The following SPEF2 variants were observed in gnomAD, a reference collection of about 807,000 sequenced individuals.
SPEF2 encodes sperm flagellar and cilia associated 2.
SPEF2 carries 187 observed loss-of-function variants against 224.6 expected under a neutral mutation model. That is an observed-to-expected ratio of 0.83 (90% CI 0.74 to 0.94). The LOEUF (loss-of-function observed/expected upper bound fraction) is 0.94. Ranked by LOEUF, SPEF2 falls within the 40% of genes least tolerant of loss-of-function variation. SPEF2 has a pLI of 0.00. For missense variants in SPEF2, 2,170 were observed against 2,135.6 expected (o/e 1.02, Z -0.32); for synonymous variants, 715 against 707.3 (o/e 1.01, Z -0.17).
intron 27 of SPEF2, among the ~76,000 whole-genome samples, chr5:35,772,507 A>G (rs1326014733): frequency 1.3e-5 from 2 of 152,184 alleles, no homozygotes; most frequent in African/African-American, 4.8e-5. Flanking sequence ...TAGGGGAGGT[A>G]CAAGTACCTT....
chr5:35,759,465 A>G, intron 24 of SPEF2, 103 bp from the exon 25 acceptor site: 1 of 1,036,788 alleles, frequency 9.6e-7, no homozygotes, highest in Non-Finnish European at 1.3e-6. Context: ...ATTATTTTCA[A>G]TCTAAATGTT....
chr5:35,688,634 T>C (rs1299068445), intron 10 of SPEF2, among the ~76,000 whole-genome samples: 2 of 152,198 alleles, frequency 1.3e-5, no homozygotes, highest in Non-Finnish European at 2.9e-5. Context: ...CAACATCATA[T>C]ACTGGATATG....
Position 35,700,518 on chromosome 5 carries a change from T to A in SPEF2, c.2164T>A (p.Cys722Ser), listed in dbSNP as rs1284222250. ...AINEIPVNQD[C>S]ILDGFPMTLN... is the part of the protein sequence containing the mutation. ...TAGTGAGATACCTGTGAATCAAGACTGTATCCTAGATGGTTTTCCAATGAC... is the reference window on the plus strand; with the variant it reads ...TAGTGAGATACCTGTGAATCAAGACAGTATCCTAGATGGTTTTCCAATGAC... The change falls in exon 16 of 37, where the codon TGT becomes AGT. Residue 722 changes from cysteine (C) to serine (S), a missense_variant. Transcript: ENST00000356031. The A allele has an allele frequency of 6.2e-7, 1 of 1,613,162 alleles. No homozygotes were observed. The highest frequency in any genetic ancestry group is 1.7e-5 in the Admixed American group (1 of 59,938).
rs919925854 is a variant in SPEF2 at position 35,727,771 on chromosome 5, C to T, written c.3011C>T (p.Pro1004Leu). The change falls in exon 21 of 37, where the codon CCA becomes CTA. Residue 1004 changes from proline (P) to leucine (L), a missense_variant. Pro to Leu is a moderately conservative substitution (Grantham distance 98, BLOSUM62 -3). Coordinates refer to ENST00000356031, the MANE Select transcript of SPEF2 (RefSeq NM_024867.4). ...TCACCTGTTGCAATAGTGCCACAGC[C>T]ACCTAAGCCAGGATCAGAAGAATGG... is the stretch of plus-strand genomic sequence containing the variant. Reference protein sequence around the residue: ...DTSPVAIVPQPPKPGSEEWVY... With the variant: ...DTSPVAIVPQLPKPGSEEWVY... 3 of 1,613,964 alleles carry T rather than the reference C, an allele frequency of 1.9e-6. No homozygotes were observed. The highest frequency in any genetic ancestry group is 2.5e-6 in the Non-Finnish European group (3 of 1,179,900).
intron 34 of SPEF2, among the ~76,000 whole-genome samples, chr5:35,801,374 G>T (rs769188566): frequency 6.6e-6 from 1 of 152,164 alleles, no homozygotes; most frequent in Non-Finnish European, 1.5e-5. Context: ...TTAGTTGGAT[G>T]TGGTGGTGTG....
intron 9 of SPEF2, among the ~76,000 whole-genome samples, chr5:35,669,092 C>T (rs1750894286): frequency 6.6e-6 from 1 of 152,030 alleles, no homozygotes; most frequent in Non-Finnish European, 1.5e-5. Flanking sequence ...AATCCCCAGC[C>T]ACTGATAATC....
chr5:35,677,519 G>C (rs1441188060), intron 10 of SPEF2, among the ~76,000 whole-genome samples: 4 of 152,088 alleles, frequency 2.6e-5, no homozygotes, highest in Non-Finnish European at 5.9e-5. Context: ...TTGTTTCTTT[G>C]TTTGACCCAG....
chr5:35,788,420 A>G, intron 30 of SPEF2: 1 of 702,642 alleles, frequency 1.4e-6, no homozygotes, highest in South Asian at 1.5e-5. Context: ...AAAAAATCTA[A>G]GAGAGAAATT....
chr5:35,788,950 C>T (rs1465527439), intron 30 of SPEF2: 2 of 702,938 alleles, frequency 2.8e-6, no homozygotes, highest in Admixed American at 2.0e-5. Flanking sequence ...AAATAGGAGA[C>T]AGGAAGTGGC....
At chr5:35,709,159 T>C (rs1740598805) in intron 19 of SPEF2, 38 bp downstream of exon 19, 2 of 1,596,496 alleles carry the variant, frequency 1.3e-6, no homozygotes, top group Non-Finnish European at 8.5e-7. Flanking sequence ...GTTTTCAGTT[T>C]CTTATTTTTA....
In SPEF2 at chr5:35,746,442, A is replaced by C. The variant is rs7737515; in HGVS notation, c.3330+6175A>C. The stretch of plus-strand genomic sequence containing the variant: ...AAATGATACAAGGAGTGAAGGGAGA[A>C]ATATTCAAGGAAATAGATAGCTAAA... On this transcript the variant is annotated intron_variant, in intron 23 of 36. Coordinates refer to ENST00000356031, the MANE Select transcript of SPEF2 (RefSeq NM_024867.4). Among the ~76,000 whole-genome samples, 1,396 of 152,316 alleles carry C rather than the reference A, an allele frequency of 9.2e-3. 17 individuals are homozygous for C. Among genetic ancestry groups the C allele is most frequent in the African/African-American group, 0.033 (1,361 of 41,568 alleles).
intron 5 of SPEF2, among the ~76,000 whole-genome samples, chr5:35,647,490 G>A (rs547078365): frequency 9.9e-5 from 15 of 152,004 alleles, no homozygotes; most frequent in Admixed American, 2.0e-4. Flanking sequence ...TTTAACAACC[G>A]GCTCTCATGG....
At chr5:35,709,408 G>T in intron 19 of SPEF2, 1 of 1,164,598 alleles carries the variant, frequency 8.6e-7, no homozygotes, top group Non-Finnish European at 1.1e-6. Context: ...AGAGTAACAG[G>T]TAACTTCAGG....
At chr5:35,642,348 CA>C (rs1746724831) in intron 3 of SPEF2, among the ~76,000 whole-genome samples, 1 of 152,136 alleles carries the variant, frequency 6.6e-6, no homozygotes, top group Non-Finnish European at 1.5e-5. Flanking sequence ...TCACCCTTCT[CA>C]TCTCTCCTCT....
chr5:35,682,872 TTTTA>T (rs912416322), intron 10 of SPEF2, among the ~76,000 whole-genome samples: 6 of 152,138 alleles, frequency 3.9e-5, no homozygotes, highest in African/African-American at 1.2e-4. Flanking sequence ...TGCATGTGGT[TTTTA>T]CAGGGGTAAT....
intron 21 of SPEF2, among the ~76,000 whole-genome samples, chr5:35,728,709 G>C (rs1041452837): frequency 1.3e-5 from 2 of 152,146 alleles, no homozygotes; most frequent in African/African-American, 4.8e-5. Flanking sequence ...ACACAGTAGA[G>C]AGTATGTAAC....
intron 8 of SPEF2, among the ~76,000 whole-genome samples, chr5:35,664,552 C>T (rs557434731): frequency 1.6e-4 from 24 of 152,026 alleles, no homozygotes; most frequent in Admixed American, 1.6e-3. Flanking sequence ...TGATGGTGTG[C>T]ACCTGTAGTC....
intron 30 of SPEF2, chr5:35,791,118 T>C (rs1233944602): frequency 6.6e-6 from 1 of 152,226 alleles, no homozygotes; most frequent in Admixed American, 6.5e-5. Context: ...AATTTATGTC[T>C]GACTTAGCTA....
intron 23 of SPEF2, among the ~76,000 whole-genome samples, chr5:35,751,909 G>T (rs886243889): frequency 6.6e-6 from 1 of 152,144 alleles, no homozygotes; most frequent in Non-Finnish European, 1.5e-5. Flanking sequence ...TAATGCAGTG[G>T]TCCCCAACCT....
Sources: gnomAD v4.1 joint callset for allele counts (sites outside exome capture counted in the v4.1 genomes callset) on GRCh38, gnomAD v4.1.1 for gene constraint, MANE v1.5 for transcripts, NCBI Gene and HGNC (gene_info 2026-07-23, HGNC 2026-07-21) for gene names.